MALRD1: variants seen among roughly 807,000 people sequenced by gnomAD.
MALRD1 encodes the protein MAM and LDL-receptor class A domain-containing protein 1.
Under a neutral mutation model 242.1 loss-of-function variants are expected in MALRD1, and 247 were observed. The ratio of observed to expected loss-of-function variants is 1.02; its 90% CI spans 0.92 to 1.13. The LOEUF (loss-of-function observed/expected upper bound fraction) is 1.13, where lower values mean the gene tolerates loss of function less well. Ranked by LOEUF, MALRD1 falls within the 50% of genes most tolerant of loss-of-function variation. MALRD1 has a pLI of 0.00. For missense variants in MALRD1, 2,989 were observed against 2,533.1 expected (o/e 1.18, Z -3.86); for synonymous variants, 995 against 866.6 (o/e 1.15, Z -2.60).
chr10:19,184,420 G>A (rs748454977), intron 14 of MALRD1, among the ~76,000 whole-genome samples: 20 of 152,100 alleles, frequency 1.3e-4, no homozygotes, highest in Non-Finnish European at 2.4e-4. Context: ...CAATCAAAAT[G>A]CTACCTCATC....
chr10:19,695,246 T>C (rs1833319058), intron 38 of MALRD1, among the ~76,000 whole-genome samples: 1 of 151,892 alleles, frequency 6.6e-6, no homozygotes, highest in South Asian at 2.1e-4. Flanking sequence ...ATATATGAAA[T>C]ATTTATATAT....
intron 21 of MALRD1, among the ~76,000 whole-genome samples, chr10:19,320,667 A>G (rs1379536140): frequency 6.6e-6 from 1 of 152,140 alleles, no homozygotes; most frequent in Non-Finnish European, 1.5e-5. Flanking sequence ...CAATGGTTGA[A>G]CTAATTTAAT....
chr10:19,471,166 A>G (rs1029553455), intron 29 of MALRD1, among the ~76,000 whole-genome samples: 6 of 151,880 alleles, frequency 4.0e-5, no homozygotes, highest in African/African-American at 1.4e-4. Context: ...CAGTTTTCCC[A>G]GTACCATTTG....
intron 5 of MALRD1, among the ~76,000 whole-genome samples, chr10:19,115,501 T>G (rs1354645714): frequency 6.6e-6 from 1 of 152,130 alleles, no homozygotes; most frequent in East Asian, 1.9e-4. Context: ...ATATGTAAAT[T>G]TATAAATAAA....
intron 36 of MALRD1, among the ~76,000 whole-genome samples, chr10:19,675,865 G>A (rs1431262569): frequency 1.3e-5 from 2 of 152,194 alleles, no homozygotes; most frequent in African/African-American, 4.8e-5. Flanking sequence ...GCAGTACTAT[G>A]TTATTAAGCA....
At chr10:19,271,547 G>A (rs112102349) in intron 19 of MALRD1, among the ~76,000 whole-genome samples, 3 of 152,204 alleles carry the variant, frequency 2.0e-5, no homozygotes, top group Non-Finnish European at 2.9e-5. Flanking sequence ...GGCAGATCAC[G>A]AGGTCAGAGA....
chr10:19,574,706 A>G (rs975484842), intron 33 of MALRD1, among the ~76,000 whole-genome samples: 1 of 152,174 alleles, frequency 6.6e-6, no homozygotes, highest in Non-Finnish European at 1.5e-5. Flanking sequence ...AGTGAAATAG[A>G]TGATTGCTTA....
At chr10:19,458,503 T>C (rs10764018) in intron 29 of MALRD1, among the ~76,000 whole-genome samples, 124,599 of 152,170 alleles carry the variant, frequency 0.82, 51,185 homozygotes, top group East Asian at 1. Context: ...AAGGTAAGAA[T>C]GGTGACATCT....
intron 14 of MALRD1, among the ~76,000 whole-genome samples, chr10:19,197,720 C>G (rs1040868487): frequency 2.6e-5 from 4 of 152,174 alleles, no homozygotes; most frequent in African/African-American, 9.6e-5. Flanking sequence ...GCCCTTTGCT[C>G]TAACATTTTC....
intron 1 of MALRD1, among the ~76,000 whole-genome samples, chr10:19,065,378 TTTTGGGTCATTGCTATGGCA>T (rs1162487804): frequency 1.3e-5 from 2 of 151,440 alleles, no homozygotes; most frequent in East Asian, 3.9e-4. Flanking sequence ...GAGTGGTAAC[TTTTGGGTCATTGCTATGGCA>T]TTTGGAAACT....
chr10:19,295,912 G>T (rs1841670765), intron 21 of MALRD1, among the ~76,000 whole-genome samples: 1 of 152,134 alleles, frequency 6.6e-6, no homozygotes, highest in South Asian at 2.1e-4. Flanking sequence ...CAAATTCCCA[G>T]GTGATGCTGA....
At chr10:19,654,295 T>A (rs5002922) in intron 36 of MALRD1, among the ~76,000 whole-genome samples, 14,785 of 152,054 alleles carry the variant, frequency 0.097, 1,802 homozygotes, top group African/African-American at 0.28. Flanking sequence ...AAAGTGGGGT[T>A]TTTTTTAGCA....
Position 19,205,344 on chromosome 10 carries a change from A to G in MALRD1, c.2578+79A>G, listed in dbSNP as rs758032347. The G allele has an allele frequency of 2.1e-6, 3 of 1,434,314 alleles. No individual in the cohort carries two copies. In the South Asian group the frequency reaches 4.4e-5, roughly 21 times the overall value. 88.8% of individuals were successfully genotyped at this position (1,434,314 alleles called of 1,614,324 possible). ...TGATGAATTCACTTTTGTCTTGCCA[A>G]TCAAACCGATAACAGTAAGCATAGC... On this transcript the variant is annotated intron_variant, in intron 17 of 39. Coordinates refer to ENST00000454679, the MANE Select transcript of MALRD1 (RefSeq NM_001142308.3).
chr10:19,519,185 T>C (rs1833772137), intron 31 of MALRD1, among the ~76,000 whole-genome samples: 1 of 142,874 alleles, frequency 7.0e-6, no homozygotes. Context: ...TCTTTCATTG[T>C]CAAAATTTTT....
intron 28 of MALRD1, among the ~76,000 whole-genome samples, chr10:19,409,414 C>T (rs1833177069): frequency 6.6e-6 from 1 of 151,826 alleles, no homozygotes; most frequent in African/African-American, 2.4e-5. Flanking sequence ...ATGATCATGC[C>T]AATGCACTCT....
At chr10:19,319,750 T>C (rs948794500) in intron 21 of MALRD1, among the ~76,000 whole-genome samples, 1 of 151,888 alleles carries the variant, frequency 6.6e-6, no homozygotes, top group African/African-American at 2.4e-5. Flanking sequence ...AGAGCACTAA[T>C]CTCATTAAGG....
chr10:19,307,710 A>T (rs1842273966), intron 21 of MALRD1, among the ~76,000 whole-genome samples: 1 of 151,510 alleles, frequency 6.6e-6, no homozygotes, highest in African/African-American at 2.4e-5. Flanking sequence ...GAGGAAAAAT[A>T]TTGGATAGAG....
intron 26 of MALRD1, among the ~76,000 whole-genome samples, chr10:19,369,734 C>T (rs892657583): frequency 6.6e-6 from 1 of 151,384 alleles, no homozygotes; most frequent in South Asian, 2.1e-4. Context: ...ACACATATTC[C>T]TCTATGGAGT....
At chr10:19,065,311 G>GAAAAAAA (rs1590378950) in intron 1 of MALRD1, among the ~76,000 whole-genome samples, 12 of 103,264 alleles carry the variant, frequency 1.2e-4, no homozygotes, top group African/African-American at 3.8e-4. Flanking sequence ...AAAAAAAAAG[G>GAAAAAAA]AAGAAAGAAA....
Sources: gnomAD v4.1 joint callset for allele counts (sites outside exome capture counted in the v4.1 genomes callset) on GRCh38, gnomAD v4.1.1 for gene constraint, MANE v1.5 for transcripts, NCBI Gene and HGNC (gene_info 2026-07-23, HGNC 2026-07-21) for gene names.